Variants in ZC3H12B observed in about 807,000 individuals in gnomAD.
ZC3H12B encodes zinc finger CCCH-type containing 12B, also known as probable ribonuclease ZC3H12B.
A neutral mutation model predicts 43.9 loss-of-function variants in ZC3H12B; 7 were observed. That is an observed-to-expected ratio of 0.16 (90% CI 0.09 to 0.30). ZC3H12B has a LOEUF of 0.30. Among genes scored for constraint, ZC3H12B ranks in the 10% least tolerant of loss-of-function variants. ZC3H12B has a pLI of 1.00. For synonymous variants in ZC3H12B, 222 were observed against 241.7 expected (o/e 0.92, Z 0.76); for missense variants, 475 against 670.2 (o/e 0.71, Z 3.22).
the ZC3H12B span, among the ~76,000 whole-genome samples, chrX:65,269,205 C>T: frequency 9.1e-5 from 10 of 109,888 alleles, no homozygotes; most frequent in East Asian, 2.0e-3. Context: ...ATTAGCTGCA[C>T]GTGGTGGTAA....
chrX:65,344,405 G>T, the ZC3H12B span, among the ~76,000 whole-genome samples: 2 of 111,588 alleles, frequency 1.8e-5, no homozygotes, highest in East Asian at 5.6e-4. Flanking sequence ...GGAGATCCCA[G>T]AAATAAGGCT....
At chrX:65,507,690 T>C (rs1474979006) in exon 5 of ZC3H12B, 2 of 111,863 alleles carry the variant, frequency 1.8e-5, no homozygotes, top group African/African-American at 6.5e-5. Flanking sequence ...TGAGTGAAAA[T>C]ATAGCCCTTC....
At chrX:65,383,424 C>T (rs2066473203) in intron 2 of ZC3H12B, among the ~76,000 whole-genome samples, 1 of 110,629 alleles carries the variant, frequency 9.0e-6, no homozygotes, top group Non-Finnish European at 1.9e-5. Context: ...AACTGGATCC[C>T]TTCCTTACAC....
intron 3 of ZC3H12B, chrX:65,469,379 T>A (rs866507645): frequency 1.3e-4 from 56 of 431,125 alleles, no homozygotes; most frequent in African/African-American, 1.2e-3. Flanking sequence ...TTTTGCTGAG[T>A]GAGATCTTTG....
At chrX:65,469,208 C>A in intron 3 of ZC3H12B, 1 of 216,095 alleles carries the variant, frequency 4.6e-6, no homozygotes, top group East Asian at 1.0e-4. Context: ...AGGAGTACAC[C>A]ACACAGCAGA....
At chrX:65,414,647 T>C (rs1220171772) in intron 3 of ZC3H12B, among the ~76,000 whole-genome samples, 1 of 111,407 alleles carries the variant, frequency 9.0e-6, no homozygotes, top group Admixed American at 9.5e-5. Flanking sequence ...ATGCCTGTCT[T>C]ACAAGAAGCT....
chrX:65,285,109 A>T, the ZC3H12B span, among the ~76,000 whole-genome samples: 26 of 108,697 alleles, frequency 2.4e-4, no homozygotes, highest in Admixed American at 3.9e-4. Context: ...GCAAGAGAAT[A>T]ATTATTATTA....
chrX:65,474,355 C>T (rs1022473942), intron 3 of ZC3H12B, among the ~76,000 whole-genome samples: 1 of 110,772 alleles, frequency 9.0e-6, no homozygotes, highest in African/African-American at 3.3e-5. Context: ...TATGTGTGCC[C>T]TTAAATCTAA....
chrX:65,122,840 C>G, the ZC3H12B span, among the ~76,000 whole-genome samples: 1 of 111,445 alleles, frequency 9.0e-6, no homozygotes, highest in South Asian at 3.8e-4. Context: ...GCTAACTATC[C>G]TAAATATATA....
chrX:65,166,351 A>G, the ZC3H12B span, among the ~76,000 whole-genome samples: 2 of 111,292 alleles, frequency 1.8e-5, no homozygotes, highest in Admixed American at 9.6e-5. Flanking sequence ...AGCTTCATCC[A>G]TGTCCCTACA....
chrX:65,202,135 T>C, the ZC3H12B span, among the ~76,000 whole-genome samples: 4 of 74,727 alleles, frequency 5.4e-5, no homozygotes, highest in East Asian at 1.2e-3. Context: ...ATATATATAT[T>C]TTATATAATA....
the ZC3H12B span, among the ~76,000 whole-genome samples, chrX:65,317,813 CTATA>C: frequency 2.0e-5 from 2 of 100,192 alleles, no homozygotes; most frequent in South Asian, 4.5e-4. Flanking sequence ...TATACACACA[CTATA>C]TATATATACA....
At chrX:65,469,509 G>A in intron 3 of ZC3H12B, 1 of 346,770 alleles carries the variant, frequency 2.9e-6, no homozygotes, top group African/African-American at 2.6e-5. Context: ...GCTGGAGGAT[G>A]TAAAATTCCA....
the ZC3H12B span, among the ~76,000 whole-genome samples, chrX:65,254,549 G>C: frequency 9.0e-6 from 1 of 111,689 alleles, no homozygotes; most frequent in Non-Finnish European, 1.9e-5. Flanking sequence ...AAAAGCAAAA[G>C]GAAAAACACA....
chrX:65,442,283 T>C (rs1329154159), intron 3 of ZC3H12B, among the ~76,000 whole-genome samples: 2 of 110,294 alleles, frequency 1.8e-5, no homozygotes, highest in Non-Finnish European at 3.8e-5. Flanking sequence ...CGAAAGCTAA[T>C]AACTGCAACA....
the ZC3H12B span, among the ~76,000 whole-genome samples, chrX:65,153,738 C>T: frequency 5.6e-4 from 62 of 111,428 alleles, no homozygotes; most frequent in African/African-American, 2.0e-3. Context: ...GGGTATATAC[C>T]CAAAGGACTA....
intron 2 of ZC3H12B, among the ~76,000 whole-genome samples, chrX:65,389,646 C>A (rs1057505078): frequency 1.8e-5 from 2 of 112,520 alleles, no homozygotes; most frequent in African/African-American, 6.5e-5. Context: ...AGTCCTGCAC[C>A]CACTTTCCAA....
At chrX:65,139,429 T>C in the ZC3H12B span, among the ~76,000 whole-genome samples, 2 of 111,889 alleles carry the variant, frequency 1.8e-5, no homozygotes, top group African/African-American at 6.5e-5. Flanking sequence ...AGTCTATTTT[T>C]CTGTATTGGC....
chrX:65,116,127 C>A, the ZC3H12B span, among the ~76,000 whole-genome samples: 1 of 111,068 alleles, frequency 9.0e-6, no homozygotes, highest in Admixed American at 9.6e-5. Flanking sequence ...GTTGCCTAAG[C>A]CGATTTCCAG....
Sources: allele counts gnomAD v4.1 joint callset (sites outside exome capture counted in the v4.1 genomes callset), GRCh38; gene constraint gnomAD v4.1.1; transcripts MANE v1.5; gene names NCBI Gene and HGNC (gene_info 2026-07-23, HGNC 2026-07-21).